Variants in SPATA22 observed in about 807,000 individuals in gnomAD.
SPATA22 encodes spermatogenesis-associated protein 22.
SPATA22 carries 29 observed loss-of-function variants against 47.8 expected under a neutral mutation model. The ratio of observed to expected loss-of-function variants is 0.61; its 90% confidence interval spans 0.45 to 0.83. SPATA22 has a LOEUF of 0.83. Among genes scored for constraint, SPATA22 ranks in the 40% least tolerant of loss-of-function variants. The probability of loss-of-function intolerance (pLI) is 0.00; values close to 1 mark genes in which losing one functional copy is unlikely to be tolerated. For synonymous variants in SPATA22, 133 were observed against 140.9 expected, an observed-to-expected ratio of 0.94 and a Z score of 0.40; for missense variants, 410 against 421.7, an observed-to-expected ratio of 0.97 and a Z score of 0.24.
intron 3 of SPATA22, among the ~76,000 whole-genome samples, chr17:3,467,110 C>T (rs926756774): frequency 1.3e-5 from 2 of 152,106 alleles, no homozygotes. Flanking sequence ...TTCTTTACCA[C>T]CAAATGTATA....
At chr17:3,447,409 C>T (rs2072751603) in intron 6 of SPATA22, among the ~76,000 whole-genome samples, 1 of 151,186 alleles carries the variant, frequency 6.6e-6, no homozygotes, top group African/African-American at 2.4e-5. Flanking sequence ...TAGTTTCTTC[C>T]CTCTTCCCCC....
At chr17:3,487,454 T>A (rs1280823110) in intron 1 of SPATA22, among the ~76,000 whole-genome samples, 1 of 152,214 alleles carries the variant, frequency 6.6e-6, no homozygotes, top group Non-Finnish European at 1.5e-5. Flanking sequence ...GCCAAACATA[T>A]CAGCAATGTT....
Position 3,440,141 on chromosome 17 carries a change from C to T in SPATA22, c.*6G>A. The T allele has an allele frequency of 6.7e-7, 1 of 1,496,578 alleles. No homozygotes were observed. Among genetic ancestry groups the T allele is most frequent in the Non-Finnish European group, 8.9e-7 (1 of 1,117,366 alleles). The allele number at this position is 1,496,578 out of a possible 1,614,324, so 92.7% of individuals were successfully genotyped here. ...TAATTTATGCTAAACTTCCTTTTAT[C>T]ACTACTTAAGTTTCATTCATCACAT... On this transcript the variant is annotated 3_prime_UTR_variant, in exon 9 of 9. Coordinates refer to ENST00000572969, the MANE Select transcript of SPATA22 (RefSeq NM_001170698.2).
In SPATA22 at chr17:3,448,948, TTGTC is replaced by T. The variant is rs2072790435; in HGVS notation, c.527_530del (p.Arg176LysfsTer12). The T allele has an allele frequency of 6.2e-7, 1 of 1,613,970 alleles. No individual in the cohort carries two copies. Among genetic ancestry groups the T allele is most frequent in the South Asian group, 1.1e-5 (1 of 91,076 alleles). ...AGCCAGATATTTTTGATGAATGTGT[TTGTC>T]TGAGTAGCTCGGTTTCTTTGTTGCG... On this transcript the variant is annotated frameshift_variant, in exon 6 of 9. Coordinates refer to ENST00000572969, the MANE Select transcript of SPATA22 (RefSeq NM_001170698.2). LOFTEE classifies it high-confidence loss of function.
chr17:3,505,015 G>A (rs192004487), intron 1 of SPATA22, among the ~76,000 whole-genome samples: 28 of 152,230 alleles, frequency 1.8e-4, no homozygotes, highest in Admixed American at 7.2e-4. Context: ...ATGTCACTTG[G>A]CCCCTTGCTC....
chr17:3,441,929 A>G (rs1284874648), intron 8 of SPATA22: 1 of 152,064 alleles, frequency 6.6e-6, no homozygotes, highest in Non-Finnish European at 1.5e-5. Flanking sequence ...ATTTTTATAA[A>G]GTACAAAAAC....
chr17:3,480,706 G>A (rs1048621084), intron 1 of SPATA22, among the ~76,000 whole-genome samples: 8 of 152,304 alleles, frequency 5.3e-5, no homozygotes, highest in African/African-American at 1.9e-4. Flanking sequence ...AGGCAGTCTA[G>A]TCCCCAGGTA....
intron 1 of SPATA22, among the ~76,000 whole-genome samples, chr17:3,487,185 G>A (rs571950086): frequency 7.2e-5 from 11 of 152,188 alleles, no homozygotes; most frequent in African/African-American, 1.2e-4. Context: ...GAGTACAAAG[G>A]TGGTCCTTGT....
intron 3 of SPATA22, among the ~76,000 whole-genome samples, chr17:3,465,574 G>A (rs904743622): frequency 1.3e-5 from 2 of 151,416 alleles, no homozygotes; most frequent in African/African-American, 4.9e-5. Flanking sequence ...ACAGATGCTT[G>A]AAGGCAGCAT....
chr17:3,490,420 G>A lies in SPATA22; in HGVS notation c.-73-21022C>T, dbSNP rs1035272713. On this transcript the variant is annotated intron_variant, in intron 1 of 8. Transcript: ENST00000541913. This position sits in a 1 kb window ranked among gnomAD's most constrained non-coding sequence, Gnocchi z 4.6. ...GCTTAAAATCAAAGAGACATTCTAT[G>A]TAAACAATTATTCCAACAGACTGAG... 2.0e-5 allele frequency among the ~76,000 whole-genome samples: 3 copies of A among 152,274 alleles called. No homozygotes were observed. Among genetic ancestry groups the A allele is most frequent in the South Asian group, 2.1e-4 (1 of 4,830 alleles).
intron 1 of SPATA22, 149 bp from the exon 2 acceptor site, chr17:3,469,547 C>T (rs1332454756): frequency 8.3e-6 from 4 of 482,228 alleles, no homozygotes; most frequent in Non-Finnish European, 1.5e-5. Context: ...AGAGTTTACA[C>T]CATAATCCAC....
intron 4 of SPATA22, 30 bp from the exon 5 acceptor site, chr17:3,462,608 T>G (rs1193770673): frequency 1.0e-5 from 16 of 1,598,286 alleles, no homozygotes; most frequent in Non-Finnish European, 1.3e-5. Context: ...TGTTAAATAT[T>G]AATAGTTTGC....
At chr17:3,474,018 T>A (rs1241888830), upstream of SPATA22, 3 of 152,180 alleles carry the variant, frequency 2.0e-5, no homozygotes, top group Non-Finnish European at 4.4e-5. Flanking sequence ...ATCCCAAAAA[T>A]CAAGTACACT....
At chr17:3,499,341 T>G in intron 1 of SPATA22, 1 of 311,026 alleles carries the variant, frequency 3.2e-6, no homozygotes, top group Non-Finnish European at 5.8e-6. Flanking sequence ...CTTGGGTAGC[T>G]CAACATTCTT....
intron 5 of SPATA22, among the ~76,000 whole-genome samples, chr17:3,460,792 C>CAAAAAAAAAA (rs71379504): frequency 3.3e-5 from 2 of 60,080 alleles, no homozygotes; most frequent in Admixed American, 2.2e-4. Context: ...GATCCAGTCT[C>CAAAAAAAAAA]AAAAAAAAAA....
rs1047861287 is a variant in SPATA22, at chr17:3,483,655, T to A, written c.-73-14257A>T. On this transcript the variant is annotated intron_variant, in intron 1 of 8. Transcript: ENST00000541913. The stretch of plus-strand genomic sequence containing the variant: ...ATGTCCTAGCTGAAACTCAGAGAAA[T>A]TTATTTTTTATCTTATTTTATTTTT... 4.9e-6 allele frequency: 7 copies of A among 1,438,580 alleles called. No individual in the cohort carries two copies. The African/African-American group carries it at 9.9e-5, about 20-fold the overall frequency. 89.1% of individuals were successfully genotyped at this position (1,438,580 alleles called of 1,614,324 possible).
In SPATA22 at chr17:3,469,286, C is replaced by T; in HGVS notation, c.40G>A (p.Ala14Thr). 1.3e-6 allele frequency: 2 copies of T among 1,507,008 alleles called. No individual in the cohort carries two copies. The highest frequency in any genetic ancestry group is 1.8e-5 in the Admixed American group (1 of 57,006). 93.4% of individuals were successfully genotyped at this position (1,507,008 alleles called of 1,614,324 possible). The change falls in exon 2 of 9, where the codon GCA becomes ACA. Residue 14 changes from alanine (A) to threonine (T), a missense_variant. Coordinates refer to ENST00000572969, the MANE Select transcript of SPATA22 (RefSeq NM_001170698.2). Reference sequence around the variant, plus strand: ...AAAATAAAAAGTTGTTCAATACCTGCTGTACTTCGAGCTGAATTTTCATTT... The same window carrying T: ...AAAATAAAAAGTTGTTCAATACCTGTTGTACTTCGAGCTGAATTTTCATTT... ...SLNENSARSTAGCLPVPLFNQ... is the reference protein window; with the variant it reads ...SLNENSARSTTGCLPVPLFNQ...
rs1180223965 is a variant in SPATA22, at chr17:3,488,313, C to G, written c.-73-18915G>C. ...CACAAAGTAGACCTAATAGTACAGG[C>G]ATCATTTCATATGAGTTAGAAGAAA... On this transcript the variant is annotated intron_variant, in intron 1 of 8. Transcript: ENST00000541913. This position sits in a 1 kb window ranked among gnomAD's most constrained non-coding sequence, Gnocchi z 6.1. Among the ~76,000 whole-genome samples the G allele has an allele frequency of 6.6e-6, 1 of 152,148 alleles. No individual in the cohort carries two copies. Among genetic ancestry groups the G allele is most frequent in the Non-Finnish European group, 1.5e-5 (1 of 68,026 alleles).
At chr17:3,448,749 A>G in intron 6 of SPATA22, 58 bp downstream of exon 6, 2 of 1,286,274 alleles carry the variant, frequency 1.6e-6, no homozygotes, top group Non-Finnish European at 2.1e-6. Flanking sequence ...TTTTCTAAAT[A>G]TTTACCTCAT....
Sources: gnomAD v4.1 joint callset for allele counts (sites outside exome capture counted in the v4.1 genomes callset) on GRCh38, gnomAD v4.1.1 for gene constraint, Gnocchi (gnomAD v3.1) non-coding constraint, MANE v1.5 for transcripts, NCBI Gene and HGNC (gene_info 2026-07-23, HGNC 2026-07-21) for gene names.